The following BCOR variants were observed in gnomAD, a reference collection of about 807,000 sequenced individuals.
The protein encoded by BCOR is BCL6 corepressor.
In BCOR, 10 loss-of-function variants were observed where a neutral mutation model predicts 86.7. That is an observed-to-expected ratio of 0.12 (90% CI 0.07 to 0.20). The LOEUF is 0.20. BCOR is among the 10% of genes least tolerant of loss of function. The pLI, the probability that BCOR is intolerant of heterozygous loss-of-function variation, is 1.00. For synonymous variants in BCOR, 611 were observed against 609.0 expected, an observed-to-expected ratio of 1.00 and a Z score of -0.05; for missense variants, 1,259 against 1,452.1, an observed-to-expected ratio of 0.87 and a Z score of 2.16.
intron 1 of BCOR, among the ~76,000 whole-genome samples, chrX:40,087,115 C>T (rs1486250160): frequency 8.8e-6 from 1 of 113,236 alleles, no homozygotes; most frequent in Non-Finnish European, 1.9e-5. Flanking sequence ...GGGGTCTGGC[C>T]GGGCTGGGGC....
intron 1 of BCOR, among the ~76,000 whole-genome samples, chrX:40,105,561 C>A (rs1937162988): frequency 8.9e-6 from 1 of 112,377 alleles, no homozygotes; most frequent in Non-Finnish European, 1.9e-5. Context: ...ATAAGCACGC[C>A]CCCCCGCACC....
At chrX:40,062,031 A>T (rs1934900915) in intron 10 of BCOR, 108 bp downstream of exon 10, 3 of 995,499 alleles carry the variant, frequency 3.0e-6, no homozygotes, top group African/African-American at 1.9e-5. Context: ...CCCAGCCCCG[A>T]TGTGGAGGGG....
intron 6 of BCOR, among the ~76,000 whole-genome samples, chrX:40,067,583 G>A (rs937782665): frequency 8.9e-6 from 1 of 112,170 alleles, no homozygotes; most frequent in African/African-American, 3.2e-5. Flanking sequence ...CCCACACGCA[G>A]TGTAGATGCT....
At chrX:40,145,157 G>C (rs1938014857) in intron 1 of BCOR, among the ~76,000 whole-genome samples, 1 of 111,500 alleles carries the variant, frequency 9.0e-6, no homozygotes, top group African/African-American at 3.3e-5. Flanking sequence ...CCCAGCGCTC[G>C]AACGCGGAGA....
intron 6 of BCOR, among the ~76,000 whole-genome samples, chrX:40,065,735 T>C (rs965196279): frequency 8.9e-6 from 1 of 112,052 alleles, no homozygotes; most frequent in Non-Finnish European, 1.9e-5. Context: ...CCCGCTGAAA[T>C]GATCCCTCTC....
intron 1 of BCOR, among the ~76,000 whole-genome samples, chrX:40,175,418 G>T (rs1302611972): frequency 1.8e-5 from 2 of 113,416 alleles, no homozygotes; most frequent in African/African-American, 3.2e-5. Context: ...TTCCGCCCGG[G>T]AGACAGCAGC....
At chrX:40,155,605 T>G (rs1228688173) in intron 1 of BCOR, among the ~76,000 whole-genome samples, 1 of 109,066 alleles carries the variant, frequency 9.2e-6, no homozygotes, top group Non-Finnish European at 1.9e-5. Context: ...CCACTCGGAC[T>G]CTCAGGCCCT....
chrX:40,061,430 G>A (rs892063982), intron 10 of BCOR, among the ~76,000 whole-genome samples: 2 of 111,471 alleles, frequency 1.8e-5, no homozygotes, highest in Non-Finnish European at 3.8e-5. Context: ...ATCTGAAAGC[G>A]GGAATAATAT....
chrX:40,127,376 G>A (rs1937555677), intron 1 of BCOR, among the ~76,000 whole-genome samples: 1 of 112,248 alleles, frequency 8.9e-6, no homozygotes, highest in Non-Finnish European at 1.9e-5. Flanking sequence ...CCCCACAGCT[G>A]TTGGCTAGCT....
At chrX:40,112,550 G>A (rs1937328717) in intron 1 of BCOR, among the ~76,000 whole-genome samples, 1 of 111,295 alleles carries the variant, frequency 9.0e-6, no homozygotes, top group Admixed American at 9.6e-5. Flanking sequence ...GAAAATGGTG[G>A]TGCTAGGATT....
At chrX:40,086,871 G>A (rs1233600094) in intron 1 of BCOR, among the ~76,000 whole-genome samples, 1 of 113,216 alleles carries the variant, frequency 8.8e-6, no homozygotes, top group Non-Finnish European at 1.9e-5. Flanking sequence ...AGGTTTCTCC[G>A]GAACAAGGGA....
chrX:40,054,867 T>G (rs1934516157), intron 12 of BCOR, among the ~76,000 whole-genome samples: 1 of 112,595 alleles, frequency 8.9e-6, no homozygotes, highest in African/African-American at 3.2e-5. Context: ...GAGTGTAATT[T>G]AAGGTAAACA....
Position 40,078,733 on chromosome X carries a change from C to T in BCOR, c.-40-764G>A, listed in dbSNP as rs780648445. 7.1e-5 allele frequency among the ~76,000 whole-genome samples: 8 copies of T among 111,961 alleles called. No homozygotes were observed. In the South Asian group the frequency reaches 2.2e-3, roughly 31 times the overall value. ...CAGCCCTGGCTGATGGGCTCCAAGC[C>T]GCTGGCACATGGGGAGCCGGCAGAA... On this transcript the variant is annotated intron_variant, in intron 1 of 14. Coordinates refer to ENST00000378444, the MANE Select transcript of BCOR (RefSeq NM_001123385.2).
intron 1 of BCOR, among the ~76,000 whole-genome samples, chrX:40,161,482 G>A (rs1320965389): frequency 2.0e-5 from 2 of 99,906 alleles, no homozygotes; most frequent in Middle Eastern, 5.2e-3. Flanking sequence ...ACAGGTGTGA[G>A]CCAGAAACCA....
chrX:40,158,354 C>T (rs1049110646), intron 1 of BCOR, among the ~76,000 whole-genome samples: 1 of 111,854 alleles, frequency 8.9e-6, no homozygotes, highest in African/African-American at 3.2e-5. Context: ...GCTGCGCAGG[C>T]GGCGCTGCCC....
intron 1 of BCOR, among the ~76,000 whole-genome samples, chrX:40,134,024 G>A (rs757512897): frequency 2.7e-5 from 3 of 109,882 alleles, no homozygotes; most frequent in African/African-American, 9.9e-5. Flanking sequence ...AGACTGAAAT[G>A]TAACCCCCTA....
chrX:40,083,693 GCCCGCTCCTCCTC>G (rs1173734442), intron 1 of BCOR, among the ~76,000 whole-genome samples: 1 of 112,224 alleles, frequency 8.9e-6, no homozygotes, highest in Non-Finnish European at 1.9e-5. Context: ...CTCGGGGCTC[GCCCGCTCCTCCTC>G]CCCGCTCCTC....
intron 1 of BCOR, among the ~76,000 whole-genome samples, chrX:40,154,340 G>A (rs1423654982): frequency 9.1e-6 from 1 of 109,559 alleles, no homozygotes; most frequent in African/African-American, 3.3e-5. Context: ...GGAGTGTACA[G>A]ATGTGAGCGC....
At chrX:40,067,130 T>C (rs1446962074) in intron 6 of BCOR, among the ~76,000 whole-genome samples, 2 of 112,153 alleles carry the variant, frequency 1.8e-5, no homozygotes, top group Non-Finnish European at 3.8e-5. Flanking sequence ...AATAGTGAAA[T>C]GAGTTTATAT....
Sources: allele counts gnomAD v4.1 joint callset (sites outside exome capture counted in the v4.1 genomes callset), GRCh38; gene constraint gnomAD v4.1.1; transcripts MANE v1.5; gene names NCBI Gene and HGNC (gene_info 2026-07-23, HGNC 2026-07-21).